NSUN6: variants seen among roughly 807,000 people sequenced by gnomAD.
NSUN6 encodes tRNA (cytosine(72)-C(5))-methyltransferase NSUN6.
In NSUN6, 64 loss-of-function variants were observed where a neutral mutation model predicts 58.0. The ratio of observed to expected loss-of-function variants is 1.10; its 90% CI spans 0.90 to 1.36. The LOEUF (loss-of-function observed/expected upper bound fraction) is 1.36, where lower values mean the gene tolerates loss of function less well. Among genes scored for constraint, NSUN6 ranks in the 40% most tolerant of loss-of-function variants. NSUN6 has a pLI of 0.00. For missense variants in NSUN6, 701 were observed against 550.1 expected (o/e 1.27, Z -2.74); for synonymous variants, 231 against 193.9 (o/e 1.19, Z -1.59).
At chr10:18,637,002 G>A (rs1338038330) in intron 3 of NSUN6, among the ~76,000 whole-genome samples, 3 of 133,860 alleles carry the variant, frequency 2.2e-5, no homozygotes, top group East Asian at 2.2e-4. Context: ...CAGTCTTATC[G>A]TCCGGGCTCC....
intron 7 of NSUN6, among the ~76,000 whole-genome samples, chr10:18,592,354 G>T (rs2057409277): frequency 1.3e-5 from 2 of 152,050 alleles, no homozygotes; most frequent in African/African-American, 2.4e-5. Context: ...TTTCTTAGCA[G>T]AATTAGAAAA....
chr10:18,557,933 A>T (rs1170194350), intron 8 of NSUN6, among the ~76,000 whole-genome samples: 1 of 151,272 alleles, frequency 6.6e-6, no homozygotes, highest in Non-Finnish European at 1.5e-5. Flanking sequence ...TGGAAGGGAA[A>T]ATGGAGAATG....
At chr10:18,588,363 C>A (rs551602713) in intron 7 of NSUN6, among the ~76,000 whole-genome samples, 27 of 152,340 alleles carry the variant, frequency 1.8e-4, no homozygotes, top group African/African-American at 6.3e-4. Flanking sequence ...TCTTTCCAGC[C>A]TGCGGGCTCT....
At chr10:18,601,563 A>G (rs1299509196) in intron 6 of NSUN6, among the ~76,000 whole-genome samples, 2 of 152,000 alleles carry the variant, frequency 1.3e-5, no homozygotes, top group Non-Finnish European at 2.9e-5. Flanking sequence ...CAGAACTAGG[A>G]GCAGGAAACA....
intron 3 of NSUN6, among the ~76,000 whole-genome samples, chr10:18,636,963 CT>C (rs34797299): frequency 0.19 from 23,204 of 124,142 alleles, 1,945 homozygotes; most frequent in Non-Finnish European, 0.22. Flanking sequence ...AAGGAATTGA[CT>C]TTTTTTTTTT....
chr10:18,607,005 G>A (rs1590045281), intron 6 of NSUN6, among the ~76,000 whole-genome samples: 1 of 152,142 alleles, frequency 6.6e-6, no homozygotes, highest in South Asian at 2.1e-4. Context: ...TGGCTACCAA[G>A]AGCTTCTTAG....
intron 2 of NSUN6, among the ~76,000 whole-genome samples, chr10:18,645,689 T>G (rs1564846504): frequency 6.6e-6 from 1 of 152,218 alleles, no homozygotes; most frequent in African/African-American, 2.4e-5. Flanking sequence ...CTATGAACAT[T>G]CATGCTGGAG....
rs181977733 is a variant in NSUN6, at chr10:18,618,473, G to T, written c.312-2180C>A. Among the ~76,000 whole-genome samples, 13 of 151,922 alleles carry T rather than the reference G, an allele frequency of 8.6e-5. No individual in the cohort carries two copies. The East Asian group carries it at 2.5e-3, about 29-fold the overall frequency. On this transcript the variant is annotated intron_variant, in intron 3 of 10. Coordinates refer to ENST00000377304, the MANE Select transcript of NSUN6 (RefSeq NM_182543.5). ...GAGGTGGGTGGATCACATGAGGTTG[G>T]GAGTTCAAGACCAGCCTGACCAACA...
chr10:18,581,824 C>CAA (rs1260561447), intron 8 of NSUN6, among the ~76,000 whole-genome samples: 2 of 106,640 alleles, frequency 1.9e-5, no homozygotes, highest in African/African-American at 3.5e-5. Context: ...GATTCCATCT[C>CAA]AAAAAAAAAA....
intron 3 of NSUN6, among the ~76,000 whole-genome samples, chr10:18,630,666 A>G (rs2058996722): frequency 6.6e-6 from 1 of 152,246 alleles, no homozygotes; most frequent in African/African-American, 2.4e-5. Context: ...AGAAATGGAT[A>G]AATTCCTCAA....
At chr10:18,646,063 C>T (rs1000051482) in intron 2 of NSUN6, among the ~76,000 whole-genome samples, 7 of 151,896 alleles carry the variant, frequency 4.6e-5, no homozygotes, top group Non-Finnish European at 8.8e-5. Flanking sequence ...AGCATTGTGG[C>T]GAGTGCATAT....
intron 3 of NSUN6, among the ~76,000 whole-genome samples, chr10:18,621,000 G>A (rs2058586042): frequency 6.6e-6 from 1 of 152,226 alleles, no homozygotes; most frequent in African/African-American, 2.4e-5. Context: ...TGTTATCTTT[G>A]AAAAGCCTGC....
intron 8 of NSUN6, among the ~76,000 whole-genome samples, chr10:18,572,312 G>A (rs987910434): frequency 1.7e-4 from 23 of 137,194 alleles, no homozygotes; most frequent in African/African-American, 6.2e-4. Context: ...CTCCCTTCCA[G>A]TTCAATCTCC....
chr10:18,643,117 T>C (rs1473227542), intron 2 of NSUN6, among the ~76,000 whole-genome samples: 1 of 151,892 alleles, frequency 6.6e-6, no homozygotes. Flanking sequence ...CATGCATCTC[T>C]TTCCAATTCC....
intron 5 of NSUN6, among the ~76,000 whole-genome samples, chr10:18,613,793 T>C (rs1411661247): frequency 6.6e-6 from 1 of 152,082 alleles, no homozygotes; most frequent in Non-Finnish European, 1.5e-5. Flanking sequence ...AGGGATATCG[T>C]CCAATTCTAA....
chr10:18,656,462 G>A (rs552193936), upstream of NSUN6, among the ~76,000 whole-genome samples: 2 of 152,034 alleles, frequency 1.3e-5, no homozygotes, highest in Non-Finnish European at 2.9e-5. Flanking sequence ...GCTTGAACCC[G>A]GGAGGCAGAG....
At chr10:18,556,688 G>A (rs1026896618) in intron 8 of NSUN6, among the ~76,000 whole-genome samples, 2 of 151,192 alleles carry the variant, frequency 1.3e-5, no homozygotes, top group Non-Finnish European at 3.0e-5. Context: ...ATTGAAATGC[G>A]AATGGAATGG....
At position 18,546,851 on chromosome 10, in the gene NSUN6, G is replaced by A. The variant is rs146584917; in HGVS notation, c.1198-706C>T. On this transcript the variant is annotated intron_variant, in intron 10 of 10. Transcript: ENST00000377304. ...TGTGCCTGGGCAATCCAGCCTGAGC[G>A]ACAGAGTGACACTCCATCTCAAAAA... 1.6e-4 allele frequency among the ~76,000 whole-genome samples: 24 copies of A among 151,260 alleles called. No homozygotes were observed. The East Asian group carries it at 3.5e-3, about 22-fold the overall frequency.
chr10:18,556,676 G>T (rs1006853600), intron 8 of NSUN6, among the ~76,000 whole-genome samples: 9 of 150,992 alleles, frequency 6.0e-5, no homozygotes, highest in African/African-American at 2.2e-4. Flanking sequence ...ATAGAATGGG[G>T]AATTGAAATG....
Sources: gnomAD v4.1 joint callset for allele counts (sites outside exome capture counted in the v4.1 genomes callset) on GRCh38, gnomAD v4.1.1 for gene constraint, MANE v1.5 for transcripts, NCBI Gene and HGNC (gene_info 2026-07-23, HGNC 2026-07-21) for gene names.